BCL2L1: variants seen among roughly 807,000 people sequenced by gnomAD.
The protein encoded by BCL2L1 is BCL2 like 1, also known as bcl-2-like protein 1.
Under a neutral mutation model 18.7 loss-of-function variants are expected in BCL2L1, and 1 was observed. That is an observed-to-expected ratio of 0.05 (90% confidence interval 0.02 to 0.25). The LOEUF is 0.25. BCL2L1 is among the 10% of genes least tolerant of loss of function. BCL2L1 has a pLI of 1.00. For synonymous variants in BCL2L1, 103 were observed against 122.7 expected (o/e 0.84, Z 1.06); for missense variants, 207 against 304.9 (o/e 0.68, Z 2.39).
At chr20:31,703,523 A>G (rs1600877158) in intron 2 of BCL2L1, among the ~76,000 whole-genome samples, 1 of 133,202 alleles carries the variant, frequency 7.5e-6, no homozygotes, top group Non-Finnish European at 1.6e-5. Flanking sequence ...CAAGAGTCTC[A>G]CTCTGTTGCC....
chr20:31,692,627 AG>A, intron 2 of BCL2L1, among the ~76,000 whole-genome samples: 1 of 151,656 alleles, frequency 6.6e-6, no homozygotes, highest in East Asian at 1.9e-4. Context: ...TACAAAACTT[AG>A]GGCTGGGCGC....
upstream of BCL2L1, chr20:31,723,280 GC>G: frequency 5.1e-6 from 5 of 985,698 alleles, no homozygotes; most frequent in Non-Finnish European, 6.0e-6. Flanking sequence ...TCCATTCCCC[GC>G]CCGGACACAA....
chr20:31,707,418 C>T (rs1255898278), intron 2 of BCL2L1, among the ~76,000 whole-genome samples: 1 of 152,178 alleles, frequency 6.6e-6, no homozygotes, highest in Admixed American at 6.5e-5. Context: ...TTACTATATG[C>T]TGGGCTCCTT....
chr20:31,720,152 T>C (rs898841581), intron 2 of BCL2L1: 3 of 985,294 alleles, frequency 3.0e-6, no homozygotes, highest in South Asian at 4.7e-5. Context: ...CTGACCTCTA[T>C]TGACTTGACC....
chr20:31,706,112 A>C (rs745826954), intron 2 of BCL2L1, among the ~76,000 whole-genome samples: 1 of 152,148 alleles, frequency 6.6e-6, no homozygotes, highest in Non-Finnish European at 1.5e-5. Flanking sequence ...AGTGGGTAGA[A>C]CAAGAGGCAG....
At chr20:31,677,957 C>T (rs1025610670) in intron 2 of BCL2L1, among the ~76,000 whole-genome samples, 2 of 152,222 alleles carry the variant, frequency 1.3e-5, no homozygotes, top group Non-Finnish European at 2.9e-5. Context: ...AGTTCCCACT[C>T]TCTTCATCCC....
chr20:31,696,860 A>G (rs1428494895), intron 2 of BCL2L1, among the ~76,000 whole-genome samples: 3 of 152,098 alleles, frequency 2.0e-5, no homozygotes, highest in Non-Finnish European at 4.4e-5. Context: ...GTTCGAGACG[A>G]GCCTGGCCAA....
At chr20:31,712,349 C>A (rs1600915111) in intron 2 of BCL2L1, among the ~76,000 whole-genome samples, 1 of 152,162 alleles carries the variant, frequency 6.6e-6, no homozygotes, top group African/African-American at 2.4e-5. Context: ...ACCTCAGTTT[C>A]CTCATGTGTG....
chr20:31,717,504 A>G (rs1159071088), intron 2 of BCL2L1, among the ~76,000 whole-genome samples: 2 of 152,242 alleles, frequency 1.3e-5, no homozygotes, highest in African/African-American at 4.8e-5. Flanking sequence ...GAATTTTAAG[A>G]GCAACCTCAA....
intron 2 of BCL2L1, among the ~76,000 whole-genome samples, chr20:31,703,495 T>TG (rs2061317917): frequency 1.2e-5 from 1 of 80,866 alleles, no homozygotes; most frequent in Non-Finnish European, 2.3e-5. Flanking sequence ...TGGTGGTTGT[T>TG]TTTTTTTTTT....
chr20:31,698,070 T>G (rs1386986130), intron 2 of BCL2L1, among the ~76,000 whole-genome samples: 1 of 151,758 alleles, frequency 6.6e-6, no homozygotes, highest in Admixed American at 6.6e-5. Context: ...GTATTTTTAG[T>G]AGAGATGGGG....
intron 2 of BCL2L1, among the ~76,000 whole-genome samples, chr20:31,713,127 T>A (rs1351010579): frequency 1.3e-5 from 2 of 152,154 alleles, no homozygotes; most frequent in Non-Finnish European, 2.9e-5. Context: ...GCAACAGGTT[T>A]AATGCATCTC....
At position 31,720,743 on chromosome 20, in the gene BCL2L1, T is replaced by C. The variant is rs140903925; in HGVS notation, c.564+912A>G. ...CCCAGCCTGTCCAAGGTCACACAGC[T>C]AGTTACATGACAGAACTGGAACTTA... is the stretch of plus-strand genomic sequence containing the variant. On this transcript the variant is annotated intron_variant, in intron 2 of 2. Coordinates refer to ENST00000307677, the MANE Select transcript of BCL2L1 (RefSeq NM_138578.3). 2.8e-4 allele frequency: 277 copies of C among 984,770 alleles called. No individual in the cohort carries two copies. The African/African-American group carries it at 4.5e-3, about 16-fold the overall frequency. The allele number at this position is 984,770 out of a possible 1,614,324, so 61.0% of individuals were successfully genotyped here.
chr20:31,715,070 C>T (rs1326784372), intron 2 of BCL2L1, among the ~76,000 whole-genome samples: 1 of 151,970 alleles, frequency 6.6e-6, no homozygotes, highest in Non-Finnish European at 1.5e-5. Flanking sequence ...GTCAGGAGAT[C>T]GAGACCATCC....
chr20:31,696,882 T>C (rs979411498), intron 2 of BCL2L1, among the ~76,000 whole-genome samples: 5 of 151,902 alleles, frequency 3.3e-5, no homozygotes, highest in Non-Finnish European at 7.4e-5. Flanking sequence ...GTGGTCAAAC[T>C]CTGTCTCTAC....
At chr20:31,719,387 A>T (rs1300388143) in intron 2 of BCL2L1, among the ~76,000 whole-genome samples, 2 of 152,168 alleles carry the variant, frequency 1.3e-5, no homozygotes, top group Non-Finnish European at 2.9e-5. Flanking sequence ...TAATTACCCG[A>T]TGCCACCACA....
intron 2 of BCL2L1, among the ~76,000 whole-genome samples, chr20:31,709,934 C>T (rs2061427472): frequency 6.6e-6 from 1 of 151,882 alleles, no homozygotes; most frequent in Admixed American, 6.6e-5. Flanking sequence ...GATCCACCTG[C>T]CTCAGTCTCC....
upstream of BCL2L1, chr20:31,723,821 C>A: frequency 1.0e-6 from 1 of 985,342 alleles, no homozygotes; most frequent in Non-Finnish European, 1.2e-6. Flanking sequence ...CGGCCGAGTT[C>A]CGCGCCGCGG....
At chr20:31,677,105 T>C (rs1000442620) in intron 2 of BCL2L1, among the ~76,000 whole-genome samples, 1 of 152,130 alleles carries the variant, frequency 6.6e-6, no homozygotes. Flanking sequence ...AGAGAACCAA[T>C]AAGTCTTGCA....
Sources: allele counts gnomAD v4.1 joint callset (sites outside exome capture counted in the v4.1 genomes callset), GRCh38; gene constraint gnomAD v4.1.1; transcripts MANE v1.5; gene names NCBI Gene and HGNC (gene_info 2026-07-23, HGNC 2026-07-21).